Variants in ACACA observed in about 807,000 individuals in gnomAD.
ACACA encodes acetyl-CoA carboxylase alpha.
In ACACA, 103 loss-of-function variants were observed where a neutral mutation model predicts 296.1. That is an observed-to-expected ratio of 0.35 (90% CI 0.30 to 0.41). The LOEUF is 0.41. ACACA is among the 10% of genes least tolerant of loss of function. The probability of loss-of-function intolerance (pLI) is 1.00; values close to 1 mark genes in which losing one functional copy is unlikely to be tolerated. For missense variants in ACACA, 1,554 were observed against 2,989.7 expected (o/e 0.52, Z 11.20); for synonymous variants, 953 against 1,038.6 (o/e 0.92, Z 1.58).
intron 1 of ACACA, chr17:37,387,881 G>A (rs1322015020): frequency 6.6e-6 from 1 of 152,092 alleles, no homozygotes; most frequent in Non-Finnish European, 1.5e-5. Context: ...TGCACATTAG[G>A]GCCAGGTGAG....
chr17:37,370,789 G>A (rs1353125869), intron 1 of ACACA, among the ~76,000 whole-genome samples: 1 of 152,004 alleles, frequency 6.6e-6, no homozygotes, highest in Non-Finnish European at 1.5e-5. Flanking sequence ...TTCGAGACCA[G>A]GCCGGCCAAC....
At chr17:37,391,836 C>A in intron 1 of ACACA, 2 of 972,054 alleles carry the variant, frequency 2.1e-6, no homozygotes, top group Non-Finnish European at 3.2e-6. Flanking sequence ...ACATTACAAT[C>A]AAACACCAAT....
At chr17:37,310,976 T>G (rs965965489) in intron 3 of ACACA, among the ~76,000 whole-genome samples, 3 of 152,078 alleles carry the variant, frequency 2.0e-5, no homozygotes, top group Admixed American at 1.3e-4. Context: ...AAGTGTAGTC[T>G]TTAGCAGAAA....
chr17:37,170,625 T>C (rs539276927), intron 41 of ACACA, among the ~76,000 whole-genome samples: 1 of 152,170 alleles, frequency 6.6e-6, no homozygotes, highest in Admixed American at 6.5e-5. Flanking sequence ...TCTATCCATA[T>C]ATGTATTTTT....
At chr17:37,233,435 C>T (rs1451982581) in intron 25 of ACACA, among the ~76,000 whole-genome samples, 1 of 152,232 alleles carries the variant, frequency 6.6e-6, no homozygotes, top group East Asian at 1.9e-4. Context: ...CAGCGACAGT[C>T]TTGGACAATC....
intron 1 of ACACA, among the ~76,000 whole-genome samples, chr17:37,351,277 T>C (rs11869216): frequency 0.37 from 56,631 of 151,906 alleles, 14,241 homozygotes; most frequent in African/African-American, 0.71. Context: ...GCCTGGCCAA[T>C]ATGGTAAAAC....
chr17:37,202,682 T>A (rs1351355139), intron 33 of ACACA, among the ~76,000 whole-genome samples: 1 of 16,844 alleles, frequency 5.9e-5, no homozygotes, highest in Non-Finnish European at 1.0e-4. Context: ...TATATATATA[T>A]ATATATATAT....
chr17:37,179,488 G>A (rs918267428), intron 40 of ACACA, 82 bp from the exon 41 acceptor site: 8 of 1,511,188 alleles, frequency 5.3e-6, no homozygotes, highest in Non-Finnish European at 6.4e-6. Flanking sequence ...CAGTCAATCT[G>A]GTTTTGCCTT....
At chr17:37,348,159 A>T (rs1008952714) in intron 1 of ACACA, among the ~76,000 whole-genome samples, 1 of 152,106 alleles carries the variant, frequency 6.6e-6, no homozygotes, top group Non-Finnish European at 1.5e-5. Context: ...TCTCAAAAAA[A>T]AAAAAAAAAT....
intron 2 of ACACA, among the ~76,000 whole-genome samples, chr17:37,334,521 A>G (rs2048022860): frequency 6.6e-6 from 1 of 150,458 alleles, no homozygotes; most frequent in South Asian, 2.1e-4. Flanking sequence ...TCTTGGATAC[A>G]TCACACTCAA....
intron 1 of ACACA, among the ~76,000 whole-genome samples, chr17:37,356,005 C>G (rs1049096061): frequency 6.6e-6 from 1 of 152,020 alleles, no homozygotes. Flanking sequence ...CCCATCTCTA[C>G]TAAAAATACA....
At chr17:37,264,752 C>T (rs545555263) in intron 10 of ACACA, among the ~76,000 whole-genome samples, 1 of 152,286 alleles carries the variant, frequency 6.6e-6, no homozygotes, top group African/African-American at 2.4e-5. Flanking sequence ...TGATGTTAGA[C>T]CATTTCACAT....
At chr17:37,116,541 A>G (rs1305715350) in intron 50 of ACACA, among the ~76,000 whole-genome samples, 1 of 152,218 alleles carries the variant, frequency 6.6e-6, no homozygotes, top group Non-Finnish European at 1.5e-5. Flanking sequence ...TGAGTAGGAA[A>G]GGAGCATCAG....
rs373837050 is a variant in ACACA, at chr17:37,367,237, A to G, written c.39-27387T>C. ...TCTTATTGGAAAAAGAAAAAAAAAA[A>G]AAGAAGAAAGAATAAAGACAACAAA... On this transcript the variant is annotated intron_variant, in intron 1 of 55. Coordinates refer to ENST00000616317, the MANE Select transcript of ACACA (RefSeq NM_198834.3). Among the ~76,000 whole-genome samples the G allele has an allele frequency of 6.6e-5, 10 of 151,932 alleles. No homozygotes were observed. In the East Asian group the frequency reaches 1.7e-3, roughly 26 times the overall value.
intron 47 of ACACA, among the ~76,000 whole-genome samples, chr17:37,126,634 C>T (rs2074799861): frequency 6.6e-6 from 1 of 152,166 alleles, no homozygotes; most frequent in African/African-American, 2.4e-5. Context: ...GAACATGGCC[C>T]TCCACCCCCT....
intron 23 of ACACA, among the ~76,000 whole-genome samples, chr17:37,241,345 CAG>C (rs1424090044): frequency 1.3e-5 from 2 of 152,070 alleles, no homozygotes; most frequent in Non-Finnish European, 2.9e-5. Flanking sequence ...GGCCCTGTGA[CAG>C]AAGAAAAATT....
intron 1 of ACACA, chr17:37,388,915 A>AGCTAGTGAGTGTGAGTGG: frequency 7.7e-7 from 1 of 1,298,546 alleles, no homozygotes; most frequent in Non-Finnish European, 1.1e-6. Context: ...TGTGCCACTC[A>AGCTAGTGAGTGTGAGTGG]CACTCACTAG....
chr17:37,174,867 G>A (rs911390302), intron 41 of ACACA, among the ~76,000 whole-genome samples: 2 of 152,014 alleles, frequency 1.3e-5, no homozygotes, highest in East Asian at 3.9e-4. Context: ...TTTCCTCCCA[G>A]AAAAACTTTT....
chr17:37,262,332 A>G (rs77850545), intron 11 of ACACA, among the ~76,000 whole-genome samples: 16,017 of 152,222 alleles, frequency 0.11, 1,154 homozygotes, highest in Non-Finnish European at 0.16. Context: ...TGTGACTTCA[A>G]GATCATGCTT....
Sources: gnomAD v4.1 joint callset for allele counts (sites outside exome capture counted in the v4.1 genomes callset) on GRCh38, gnomAD v4.1.1 for gene constraint, MANE v1.5 for transcripts, NCBI Gene and HGNC (gene_info 2026-07-23, HGNC 2026-07-21) for gene names.